SLC25A21: variants seen among roughly 807,000 people sequenced by gnomAD.
SLC25A21 encodes the protein solute carrier family 25 member 21.
SLC25A21 carries 47 observed loss-of-function variants against 43.8 expected under a neutral mutation model. The ratio of observed to expected loss-of-function variants is 1.07; its 90% CI spans 0.85 to 1.37. SLC25A21 has a LOEUF of 1.37. Ranked by LOEUF, SLC25A21 falls within the 40% of genes most tolerant of loss-of-function variation. The pLI is 0.00. For missense variants in SLC25A21, 352 were observed against 350.2 expected (o/e 1.00, Z -0.04); for synonymous variants, 131 against 121.3 (o/e 1.08, Z -0.52).
chr14:36,736,946 G>A (rs939996577), intron 3 of SLC25A21, among the ~76,000 whole-genome samples: 35 of 152,264 alleles, frequency 2.3e-4, no homozygotes, highest in African/African-American at 7.2e-4. Context: ...TGGTCAGAAC[G>A]GTCTAAAGAT....
At chr14:36,732,949 T>A (rs1473608815) in intron 4 of SLC25A21, among the ~76,000 whole-genome samples, 1 of 152,158 alleles carries the variant, frequency 6.6e-6, no homozygotes, top group African/African-American at 2.4e-5. Flanking sequence ...CCATATTCAG[T>A]TGCCCAAAAG....
intron 1 of SLC25A21, among the ~76,000 whole-genome samples, chr14:37,120,561 G>A (rs1023501195): frequency 4.6e-5 from 7 of 152,136 alleles, no homozygotes; most frequent in African/African-American, 1.4e-4. Context: ...TGCAGAGGAT[G>A]GGAGAGACTA....
chr14:36,954,324 A>G (rs1459891445), intron 1 of SLC25A21, among the ~76,000 whole-genome samples: 2 of 151,984 alleles, frequency 1.3e-5, no homozygotes, highest in Non-Finnish European at 2.9e-5. Flanking sequence ...CCCATCCTAG[A>G]GAAGTCCTCC....
rs138739599 is a variant in SLC25A21 at position 36,882,030 on chromosome 14, T to C, written c.71-7026A>G. Reference sequence around the variant, plus strand: ...ATTACTAAGTCAGTTGACTGCTCCTTTCTCTACAGTTCCATTGCATGCACT... The same window carrying C: ...ATTACTAAGTCAGTTGACTGCTCCTCTCTCTACAGTTCCATTGCATGCACT... On this transcript the variant is annotated intron_variant, in intron 1 of 9. Coordinates refer to ENST00000331299, the MANE Select transcript of SLC25A21 (RefSeq NM_030631.4). 2.0e-3 allele frequency among the ~76,000 whole-genome samples: 298 copies of C among 152,346 alleles called. 1 individual carries two copies. Among genetic ancestry groups the C allele is most frequent in the African/African-American group, 6.9e-3 (288 of 41,578 alleles).
chr14:37,030,889 A>G (rs543692242), intron 1 of SLC25A21, among the ~76,000 whole-genome samples: 1 of 152,318 alleles, frequency 6.6e-6, no homozygotes, highest in African/African-American at 2.4e-5. Flanking sequence ...AGGTGGCCCA[A>G]GGAATCAACC....
intron 1 of SLC25A21, among the ~76,000 whole-genome samples, chr14:37,063,271 G>A (rs1358316303): frequency 6.6e-6 from 1 of 152,068 alleles, no homozygotes; most frequent in Non-Finnish European, 1.5e-5. Flanking sequence ...AGGCCGAGAT[G>A]GGTGGATCAC....
At chr14:37,097,721 A>G (rs529222799) in intron 1 of SLC25A21, 2 of 152,120 alleles carry the variant, frequency 1.3e-5, no homozygotes, top group Admixed American at 6.5e-5. Flanking sequence ...CATCTCTACT[A>G]AAAATACAAA....
intron 1 of SLC25A21, among the ~76,000 whole-genome samples, chr14:37,059,119 T>C (rs1309847719): frequency 6.6e-6 from 1 of 152,244 alleles, no homozygotes; most frequent in African/African-American, 2.4e-5. Context: ...TTGTTTATCT[T>C]TGTATCTAAC....
intron 1 of SLC25A21, among the ~76,000 whole-genome samples, chr14:36,877,004 A>G (rs1029924221): frequency 2.0e-5 from 3 of 151,970 alleles, no homozygotes; most frequent in Non-Finnish European, 4.4e-5. Context: ...TATATTAGTT[A>G]TAAGATAAAA....
At chr14:36,979,030 G>A (rs774762094) in intron 1 of SLC25A21, among the ~76,000 whole-genome samples, 6 of 152,194 alleles carry the variant, frequency 3.9e-5, no homozygotes, top group Non-Finnish European at 8.8e-5. Flanking sequence ...TGAGGCTGCA[G>A]TGAGCCGATA....
At chr14:37,031,739 G>T (rs193246685) in intron 1 of SLC25A21, among the ~76,000 whole-genome samples, 1 of 152,244 alleles carries the variant, frequency 6.6e-6, no homozygotes, top group East Asian at 1.9e-4. Context: ...GAATTGGAAA[G>T]GACCTTAGAA....
chr14:36,751,426 G>T (rs1275411753), intron 3 of SLC25A21, among the ~76,000 whole-genome samples: 1 of 152,196 alleles, frequency 6.6e-6, no homozygotes, highest in East Asian at 1.9e-4. Flanking sequence ...TGTTCTGCAG[G>T]TGATTGATTT....
intron 1 of SLC25A21, among the ~76,000 whole-genome samples, chr14:37,117,873 T>G (rs116101081): frequency 0.82 from 123,825 of 151,876 alleles, 53,279 homozygotes; most frequent in South Asian, 0.98. Flanking sequence ...TGTTTGTTTT[T>G]TTTTTTTGTC....
intron 1 of SLC25A21, among the ~76,000 whole-genome samples, chr14:36,931,370 T>C (rs1185912686): frequency 6.6e-6 from 1 of 152,070 alleles, no homozygotes. Flanking sequence ...CCAGGTGGTA[T>C]GAAGGGTTGG....
chr14:37,154,806 C>A (rs1411095174), intron 1 of SLC25A21, among the ~76,000 whole-genome samples: 2 of 151,812 alleles, frequency 1.3e-5, no homozygotes, highest in Non-Finnish European at 2.9e-5. Context: ...CCACACCCAG[C>A]TAATTTTGTA....
chr14:37,052,123 G>A (rs941975741), intron 1 of SLC25A21, among the ~76,000 whole-genome samples: 24 of 152,194 alleles, frequency 1.6e-4, no homozygotes, highest in African/African-American at 4.8e-4. Flanking sequence ...AAAAAGGCAA[G>A]TTATATGCAT....
intron 1 of SLC25A21, among the ~76,000 whole-genome samples, chr14:36,895,361 G>A (rs1891208286): frequency 6.6e-6 from 1 of 152,160 alleles, no homozygotes; most frequent in South Asian, 2.1e-4. Flanking sequence ...ATGGTAGTTT[G>A]TATTTCTGTG....
At chr14:36,872,267 T>C (rs1566694503) in intron 2 of SLC25A21, among the ~76,000 whole-genome samples, 1 of 152,158 alleles carries the variant, frequency 6.6e-6, no homozygotes, top group Non-Finnish European at 1.5e-5. Context: ...AGTCAAGTCT[T>C]GTTTTGGGGT....
At chr14:36,960,149 A>T (rs1359067683) in intron 1 of SLC25A21, among the ~76,000 whole-genome samples, 1 of 152,194 alleles carries the variant, frequency 6.6e-6, no homozygotes, top group Non-Finnish European at 1.5e-5. Flanking sequence ...TTAGTACAAA[A>T]CATGGTTGTC....
Sources: allele counts gnomAD v4.1 joint callset (sites outside exome capture counted in the v4.1 genomes callset), GRCh38; gene constraint gnomAD v4.1.1; transcripts MANE v1.5; gene names NCBI Gene and HGNC (gene_info 2026-07-23, HGNC 2026-07-21).